The following LRRC7 variants were observed in gnomAD, a reference collection of about 807,000 sequenced individuals.
LRRC7 encodes leucine-rich repeat-containing protein 7.
A neutral mutation model predicts 175.7 loss-of-function variants in LRRC7; 23 were observed. The observed-to-expected ratio is 0.13, with a 90% CI of 0.09 to 0.19. The LOEUF (loss-of-function observed/expected upper bound fraction) is 0.19. LRRC7 is among the 10% of genes least tolerant of loss of function. LRRC7 has a pLI of 1.00. For missense variants in LRRC7, 1,354 were observed against 1,904.7 expected (o/e 0.71, Z 5.38); for synonymous variants, 685 against 680.9 (o/e 1.01, Z -0.09).
chr1:69,588,393 A>G (rs956748496), intron 1 of LRRC7, among the ~76,000 whole-genome samples: 1 of 152,196 alleles, frequency 6.6e-6, no homozygotes, highest in Non-Finnish European at 1.5e-5. Context: ...GAAATTAATG[A>G]CTAACCTATA....
intron 3 of LRRC7, among the ~76,000 whole-genome samples, chr1:69,775,235 T>C (rs1021248107): frequency 6.6e-6 from 1 of 152,200 alleles, no homozygotes; most frequent in African/African-American, 2.4e-5. Flanking sequence ...AAAGTAAAAA[T>C]GTAATTTCAT....
chr1:69,656,705 AG>A (rs1429976394), intron 1 of LRRC7, among the ~76,000 whole-genome samples: 1 of 151,946 alleles, frequency 6.6e-6, no homozygotes, highest in Non-Finnish European at 1.5e-5. Context: ...ATTGACATTG[AG>A]GCTACAGTGG....
chr1:70,142,216 CTT>C lies in LRRC7; in HGVS notation c.*20330_*20331del, dbSNP rs1167397141. ...TTGTAGTCTTTCCACTCAGAGGACT[CTT>C]ATTTGGCTTGAATGTGGAAAAGGCA... is the stretch of plus-strand genomic sequence containing the variant. On this transcript the variant is annotated 3_prime_UTR_variant, in exon 27 of 27. Coordinates refer to ENST00000651989, the MANE Select transcript of LRRC7 (RefSeq NM_001370785.2). The C allele has an allele frequency of 2.0e-5, 3 of 152,038 alleles. No homozygotes were observed. The highest frequency in any genetic ancestry group is 4.4e-5 in the Non-Finnish European group (3 of 67,974). 9.4% of individuals were successfully genotyped at this position (152,038 alleles called of 1,614,324 possible).
chr1:69,699,521 G>A (rs563317167), intron 2 of LRRC7, among the ~76,000 whole-genome samples: 1 of 151,582 alleles, frequency 6.6e-6, no homozygotes, highest in East Asian at 1.9e-4. Context: ...CCTGGCGACA[G>A]AGCAAGACTC....
intron 1 of LRRC7, among the ~76,000 whole-genome samples, chr1:69,632,744 T>C (rs554046369): frequency 6.6e-6 from 1 of 152,264 alleles, no homozygotes; most frequent in East Asian, 1.9e-4. Context: ...ATTTATCTTG[T>C]TCATTATTGG....
chr1:69,597,593 G>A (rs1221342816), intron 1 of LRRC7, among the ~76,000 whole-genome samples: 1 of 152,070 alleles, frequency 6.6e-6, no homozygotes, highest in Non-Finnish European at 1.5e-5. Context: ...CTGGCATCAA[G>A]CATAATGTCC....
chr1:69,831,600 A>G (rs1164485520), intron 5 of LRRC7, among the ~76,000 whole-genome samples: 3 of 152,032 alleles, frequency 2.0e-5, no homozygotes, highest in Admixed American at 1.3e-4. Context: ...TCTTACCTCT[A>G]CATTATAAAA....
chr1:69,767,748 C>G (rs1262237790), intron 3 of LRRC7, among the ~76,000 whole-genome samples: 1 of 152,180 alleles, frequency 6.6e-6, no homozygotes, highest in Non-Finnish European at 1.5e-5. Context: ...AGACATGAGC[C>G]ACCGTGCCTA....
intron 7 of LRRC7, among the ~76,000 whole-genome samples, chr1:69,912,530 C>T (rs1234971870): frequency 6.6e-6 from 1 of 152,180 alleles, no homozygotes; most frequent in Non-Finnish European, 1.5e-5. Context: ...CTAGGACCTT[C>T]AGCTCTGACA....
chr1:69,692,093 A>C (rs1469015671), intron 2 of LRRC7, among the ~76,000 whole-genome samples: 2 of 152,176 alleles, frequency 1.3e-5, no homozygotes, highest in Non-Finnish European at 2.9e-5. Flanking sequence ...GGGCATACCT[A>C]TCCACCTAAA....
intron 7 of LRRC7, among the ~76,000 whole-genome samples, chr1:69,887,406 G>A (rs1333736250): frequency 5.0e-5 from 7 of 140,564 alleles, no homozygotes; most frequent in Admixed American, 2.8e-4. Context: ...CCAGTTGATC[G>A]CATTGGCTCC....
intron 23 of LRRC7, among the ~76,000 whole-genome samples, chr1:70,074,627 CTG>C (rs919082483): frequency 1.3e-5 from 2 of 152,182 alleles, no homozygotes; most frequent in African/African-American, 4.8e-5. Flanking sequence ...TTTCTCATGT[CTG>C]AGATATCTTT....
intron 9 of LRRC7, among the ~76,000 whole-genome samples, chr1:69,982,727 T>C (rs2101891928): frequency 6.6e-6 from 1 of 152,328 alleles, no homozygotes; most frequent in East Asian, 1.9e-4. Context: ...TTCACATTTA[T>C]TTTAAACAAA....
intron 7 of LRRC7, among the ~76,000 whole-genome samples, chr1:69,929,120 A>G (rs143239262): frequency 3.9e-5 from 6 of 152,208 alleles, no homozygotes; most frequent in Admixed American, 2.6e-4. Flanking sequence ...CTATATTCTC[A>G]AGACCTCACA....
chr1:69,924,053 A>G (rs1344758323), intron 7 of LRRC7, among the ~76,000 whole-genome samples: 1 of 151,814 alleles, frequency 6.6e-6, no homozygotes, highest in East Asian at 1.9e-4. Flanking sequence ...CATTTATTAA[A>G]TAGGGAATCC....
intron 20 of LRRC7, 82 bp from the exon 21 acceptor site, chr1:70,038,031 G>A: frequency 6.7e-7 from 1 of 1,481,878 alleles, no homozygotes; most frequent in Non-Finnish European, 9.1e-7. Flanking sequence ...AAGGATGATG[G>A]CCCTCTTTGC....
chr1:69,964,622 A>C (rs142091791), intron 8 of LRRC7, among the ~76,000 whole-genome samples: 1 of 152,208 alleles, frequency 6.6e-6, no homozygotes, highest in Non-Finnish European at 1.5e-5. Context: ...ATGAGTCACT[A>C]TTTCTCAAAG....
At chr1:69,911,532 T>C (rs1646530958) in intron 7 of LRRC7, among the ~76,000 whole-genome samples, 1 of 152,190 alleles carries the variant, frequency 6.6e-6, no homozygotes, top group African/African-American at 2.4e-5. Flanking sequence ...ACTGGTTGTT[T>C]TGATTTGCAT....
At chr1:69,894,956 G>A (rs968691988) in intron 7 of LRRC7, among the ~76,000 whole-genome samples, 10 of 152,192 alleles carry the variant, frequency 6.6e-5, no homozygotes, top group Non-Finnish European at 1.2e-4. Flanking sequence ...GCCGGGGGGC[G>A]TGGCTCACAC....
Sources: gnomAD v4.1 joint callset for allele counts (sites outside exome capture counted in the v4.1 genomes callset) on GRCh38, gnomAD v4.1.1 for gene constraint, MANE v1.5 for transcripts, NCBI Gene and HGNC (gene_info 2026-07-23, HGNC 2026-07-21) for gene names.